EPHA5: variants seen among roughly 807,000 people sequenced by gnomAD.
The protein encoded by EPHA5 is EPH receptor A5, also known as ephrin type-A receptor 5.
Under a neutral mutation model 105.0 loss-of-function variants are expected in EPHA5, and 60 were observed. That is an observed-to-expected ratio of 0.57 (90% CI 0.46 to 0.71). EPHA5 has a LOEUF of 0.71. EPHA5 is among the 30% of genes least tolerant of loss of function. The pLI is 0.00. For missense variants in EPHA5, 1,218 were observed against 1,274.7 expected, an observed-to-expected ratio of 0.96 and a Z score of 0.68; for synonymous variants, 513 against 449.1, an observed-to-expected ratio of 1.14 and a Z score of -1.80.
At chr4:65,327,490 A>G (rs1265115356) in intron 16 of EPHA5, among the ~76,000 whole-genome samples, 2 of 151,272 alleles carry the variant, frequency 1.3e-5, no homozygotes, top group Non-Finnish European at 3.0e-5. Context: ...AAGTACTGCC[A>G]CAAATGATGT....
intron 3 of EPHA5, among the ~76,000 whole-genome samples, chr4:65,551,254 A>ATGTG (rs71657186): frequency 0.1 from 14,663 of 140,878 alleles, 923 homozygotes; most frequent in South Asian, 0.19. Flanking sequence ...ATATTTATAT[A>ATGTG]TGTGTGTGTG....
At chr4:65,654,070 C>T (rs1029713625) in intron 1 of EPHA5, among the ~76,000 whole-genome samples, 6 of 151,928 alleles carry the variant, frequency 3.9e-5, no homozygotes, top group African/African-American at 1.2e-4. Context: ...ACATGGCTAT[C>T]GGTGCTTCTC....
intron 2 of EPHA5, among the ~76,000 whole-genome samples, chr4:65,612,021 A>AAAG (rs1744813721): frequency 7.3e-6 from 1 of 136,586 alleles, no homozygotes; most frequent in African/African-American, 2.6e-5. Flanking sequence ...TCTCTCAAAA[A>AAAG]AAAAAAAAAA....
At position 65,620,335 on chromosome 4, in the gene EPHA5, A is replaced by T. The variant is rs573950385; in HGVS notation, c.247-18031T>A. Among the ~76,000 whole-genome samples the T allele has an allele frequency of 2.0e-5, 3 of 152,062 alleles. No homozygotes were observed. In the East Asian group the frequency reaches 5.8e-4, roughly 29 times the overall value. On this transcript the variant is annotated intron_variant, in intron 2 of 16. Coordinates refer to ENST00000613740, the MANE Select transcript of EPHA5 (RefSeq NM_001281766.3). ...CTTCACTTCAGAATCCTGGCTCTTGACTTCTTGCGATGCACACTGTTTCTA... is the reference window on the plus strand; with the variant it reads ...CTTCACTTCAGAATCCTGGCTCTTGTCTTCTTGCGATGCACACTGTTTCTA...
chr4:65,539,156 TG>T (rs1736579207), intron 3 of EPHA5, among the ~76,000 whole-genome samples: 2 of 151,476 alleles, frequency 1.3e-5, no homozygotes, highest in African/African-American at 4.8e-5. Context: ...TATAATAAAA[TG>T]GGGAAAAAAG....
chr4:65,662,537 AAC>A (rs1365620418), intron 1 of EPHA5, among the ~76,000 whole-genome samples: 4 of 152,134 alleles, frequency 2.6e-5, no homozygotes, highest in Admixed American at 1.3e-4. Flanking sequence ...TGTTTGGCAT[AAC>A]TCAACAAAAC....
chr4:65,333,603 G>C (rs946161051), intron 15 of EPHA5, among the ~76,000 whole-genome samples: 4 of 129,066 alleles, frequency 3.1e-5, no homozygotes, highest in South Asian at 2.4e-4. Flanking sequence ...AATCTCCTTT[G>C]CCTGCTAGTC....
chr4:65,398,139 G>T lies in EPHA5; in HGVS notation c.1793+6235C>A, dbSNP rs184118072. Reference sequence around the variant, plus strand: ...TCTTGTGCTCTCAGGGGCCTGAGAAGCCCCCTGCCCCTGTAGGCTCAGAAG... The same window carrying T: ...TCTTGTGCTCTCAGGGGCCTGAGAATCCCCCTGCCCCTGTAGGCTCAGAAG... On this transcript the variant is annotated intron_variant, in intron 8 of 16. Transcript: ENST00000613740. Among the ~76,000 whole-genome samples, 6 of 152,282 alleles carry T rather than the reference G, an allele frequency of 3.9e-5. No homozygotes were observed. In the East Asian group the frequency reaches 1.2e-3, roughly 30 times the overall value.
At chr4:65,448,889 G>A (rs1035924507) in intron 5 of EPHA5, among the ~76,000 whole-genome samples, 1 of 151,996 alleles carries the variant, frequency 6.6e-6, no homozygotes, top group Non-Finnish European at 1.5e-5. Flanking sequence ...ATAAATCATA[G>A]GGAAATTAGA....
intron 13 of EPHA5, among the ~76,000 whole-genome samples, chr4:65,348,678 AT>A (rs1486185586): frequency 3.9e-5 from 3 of 76,410 alleles, no homozygotes; most frequent in Admixed American, 1.5e-4. Context: ...ATATATATAT[AT>A]ATATATATAT....
intron 2 of EPHA5, among the ~76,000 whole-genome samples, chr4:65,617,101 T>C (rs1313758000): frequency 2.0e-5 from 3 of 152,100 alleles, no homozygotes; most frequent in Non-Finnish European, 4.4e-5. Context: ...ATCTCCATAT[T>C]TGGAGAAATT....
intron 13 of EPHA5, among the ~76,000 whole-genome samples, chr4:65,348,699 A>AT (rs1722487472): frequency 4.8e-5 from 1 of 21,030 alleles, no homozygotes; most frequent in Non-Finnish European, 1.1e-4. Flanking sequence ...TATATATATA[A>AT]AATATATATG....
Position 65,601,876 on chromosome 4 carries a change from A to G in EPHA5, c.675T>C (p.Ser225=), listed in dbSNP as rs2149438736. 1 of 1,614,170 alleles carries G rather than the reference A, an allele frequency of 6.2e-7. No homozygotes were observed. The highest frequency in any genetic ancestry group is 8.5e-7 in the Non-Finnish European group (1 of 1,180,028). ...QDVGACIALV[S]VRVYYKKCPS... ...GGCATTTTTTATAGTATACACGCAC[A>G]GAAACCAGAGCAATGCAAGCACCAA... Residue 225 remains serine, a synonymous_variant, in exon 3 of 17, where the codon TCT becomes TCC. Coordinates refer to ENST00000613740, the MANE Select transcript of EPHA5 (RefSeq NM_001281766.3).
intron 3 of EPHA5, among the ~76,000 whole-genome samples, chr4:65,502,128 A>T (rs1251537461): frequency 1.3e-5 from 2 of 151,878 alleles, no homozygotes; most frequent in East Asian, 3.9e-4. Flanking sequence ...CTTAAATTTC[A>T]TGTCTCAAAC....
intron 3 of EPHA5, among the ~76,000 whole-genome samples, chr4:65,597,458 TA>T (rs5858971): frequency 0.092 from 13,630 of 147,698 alleles, 680 homozygotes; most frequent in Admixed American, 0.13. Flanking sequence ...CATTTTTTAC[TA>T]AAAAAAAAAA....
At chr4:65,543,583 C>T (rs953240237) in intron 3 of EPHA5, among the ~76,000 whole-genome samples, 3 of 152,054 alleles carry the variant, frequency 2.0e-5, no homozygotes, top group African/African-American at 7.2e-5. Context: ...AGGACACAAA[C>T]AAATGGAAAA....
intron 3 of EPHA5, among the ~76,000 whole-genome samples, chr4:65,571,927 T>C (rs1488581314): frequency 1.3e-5 from 2 of 152,096 alleles, no homozygotes; most frequent in Non-Finnish European, 2.9e-5. Context: ...TATACAGTTA[T>C]ATATTTCATG....
chr4:65,358,131 C>A (rs1023201152), intron 11 of EPHA5, among the ~76,000 whole-genome samples: 1 of 151,418 alleles, frequency 6.6e-6, no homozygotes, highest in Non-Finnish European at 1.5e-5. Flanking sequence ...TTAGCAATAT[C>A]CCCAGAGGCA....
chr4:65,415,655 G>T (rs1178246668), intron 6 of EPHA5, among the ~76,000 whole-genome samples: 6 of 151,844 alleles, frequency 4.0e-5, no homozygotes, highest in Admixed American at 2.0e-4. Flanking sequence ...TTTTTAAACT[G>T]CAAATTAATT....
Sources: gnomAD v4.1 joint callset for allele counts (sites outside exome capture counted in the v4.1 genomes callset) on GRCh38, gnomAD v4.1.1 for gene constraint, MANE v1.5 for transcripts, NCBI Gene and HGNC (gene_info 2026-07-23, HGNC 2026-07-21) for gene names.